The following BRSK2 variants were observed in gnomAD, a reference collection of about 807,000 sequenced individuals.
BRSK2 encodes serine/threonine-protein kinase BRSK2.
A neutral mutation model predicts 83.3 loss-of-function variants in BRSK2; 19 were observed. The observed-to-expected ratio is 0.23, with a 90% CI of 0.16 to 0.33. The LOEUF is 0.33. Among genes scored for constraint, BRSK2 ranks in the 10% least tolerant of loss-of-function variants. The pLI, the probability that BRSK2 is intolerant of heterozygous loss-of-function variation, is 1.00. For synonymous variants in BRSK2, 519 were observed against 435.4 expected (o/e 1.19, Z -2.39); for missense variants, 798 against 1,042.3 (o/e 0.77, Z 3.23).
chr11:1,445,530 C>G (rs886859936), intron 10 of BRSK2, 41 bp from the exon 11 acceptor site: 14 of 1,600,412 alleles, frequency 8.7e-6, no homozygotes, highest in African/African-American at 1.3e-5. Flanking sequence ...GAGCCGGCGG[C>G]CCCGTGTGCC....
chr11:1,443,220 A>T, intron 6 of BRSK2, 81 bp downstream of exon 6: 1 of 1,517,286 alleles, frequency 6.6e-7, no homozygotes, highest in South Asian at 1.2e-5. Context: ...AGCCTGCCGC[A>T]CCCCCAGGTG....
At chr11:1,445,236 C>G (rs927760834) in intron 9 of BRSK2, 58 bp from the exon 10 acceptor site, 17 of 1,545,330 alleles carry the variant, frequency 1.1e-5, no homozygotes, top group Non-Finnish European at 1.4e-5. Context: ...GTCCCACCCT[C>G]GCAGCCGCCC....
intron 1 of BRSK2, among the ~76,000 whole-genome samples, chr11:1,435,179 C>T (rs1005015532): frequency 1.0e-4 from 15 of 144,530 alleles, no homozygotes; most frequent in African/African-American, 3.1e-4. Context: ...AACACAGGGC[C>T]GGGGCTCAGG....
chr11:1,406,280 G>A (rs1846871829), intron 1 of BRSK2, among the ~76,000 whole-genome samples: 1 of 152,218 alleles, frequency 6.6e-6, no homozygotes, highest in Non-Finnish European at 1.5e-5. Flanking sequence ...TGGCTAACAC[G>A]GTGAAACCCC....
chr11:1,460,669 G>A lies in BRSK2; in HGVS notation c.2157G>A (p.Thr719=). The A allele has an allele frequency of 6.6e-7, 1 of 1,524,450 alleles. No homozygotes were observed. The highest frequency in any genetic ancestry group is 8.8e-7 in the Non-Finnish European group (1 of 1,140,606). The allele number at this position is 1,524,450 out of a possible 1,614,324, so 94.4% of individuals were successfully genotyped here. Residue 719 remains threonine, a synonymous_variant, in exon 20 of 20, where the codon ACG becomes ACA. Transcript: ENST00000528841. ...PGPGGDAEYP[T]GKDTAKMGPP... is the part of the protein sequence containing the mutation. ...CCGGAGGGGACGCCGAGTACCCAAC[G>A]GGCAAGGACACGGCCAAGATGGGCC...
In BRSK2 at chr11:1,411,578, G is replaced by A. The variant is rs370255767; in HGVS notation, c.91+21203G>A. 5.6e-5 allele frequency: 88 copies of A among 1,582,334 alleles called. No individual in the cohort carries two copies. The East Asian group carries it at 6.6e-4, about 12-fold the overall frequency. On this transcript the variant is annotated intron_variant, in intron 1 of 19. Transcript: ENST00000528841. ...CTCCCGGCCCACAGCTGCTCCAGCC[G>A]CACCTCCACCTTCCTCAAGGCCAGA...
At chr11:1,433,467 C>T (rs185572352) in intron 1 of BRSK2, among the ~76,000 whole-genome samples, 109 of 152,396 alleles carry the variant, frequency 7.2e-4, no homozygotes, top group African/African-American at 2.6e-3. Flanking sequence ...TGCATCCTCC[C>T]AGGAGTTTGT....
chr11:1,450,511 G>A (rs903074090), intron 13 of BRSK2, 76 bp from the exon 14 acceptor site: 66 of 710,084 alleles, frequency 9.3e-5, no homozygotes, highest in South Asian at 2.9e-4. Flanking sequence ...CCCTGGGCCC[G>A]CCTGCCCTGC....
At chr11:1,420,222 G>A (rs1848515915) in intron 1 of BRSK2, among the ~76,000 whole-genome samples, 2 of 152,228 alleles carry the variant, frequency 1.3e-5, no homozygotes, top group African/African-American at 2.4e-5. Flanking sequence ...GCCTTGTTAG[G>A]ATGAGACAGA....
intron 1 of BRSK2, among the ~76,000 whole-genome samples, chr11:1,406,907 C>CGT (rs373208775): frequency 7.9e-5 from 12 of 151,914 alleles, no homozygotes; most frequent in Non-Finnish European, 1.6e-4. Context: ...TGTCTGTGTG[C>CGT]GTGTGTGTGT....
chr11:1,439,411 T>TG (rs746265812), intron 3 of BRSK2, among the ~76,000 whole-genome samples: 2 of 150,666 alleles, frequency 1.3e-5, no homozygotes, highest in East Asian at 2.0e-4. Context: ...ACCAGAGGAC[T>TG]GGGGGGGCGG....
In BRSK2 at chr11:1,450,619, C is replaced by T. The variant is rs368815640; in HGVS notation, c.1320C>T (p.Pro440=). Residue 440 remains proline, a synonymous_variant, in exon 14 of 20, where the codon CCC becomes CCT. Transcript: ENST00000528841. ...VTPHPSPRGS[P]LPTPKGTPVH... is the part of the protein sequence containing the mutation. ...CTCACCCCTCACCAAGGGGCAGTCC[C>T]CTCCCCACCCCCAAGGGGACACCTG... 158 of 1,597,046 alleles carry T rather than the reference C, an allele frequency of 9.9e-5. No individual in the cohort carries two copies. Among genetic ancestry groups the T allele is most frequent in the Middle Eastern group, 5.0e-4 (3 of 6,012 alleles).
chr11:1,460,899 C>T lies in BRSK2; in HGVS notation c.*176C>T, dbSNP rs1243529861. ...GCCTGTGGGCTGCGCCACCCGCGCC[C>T]GCTCTCTTTTCTCTCTGTCTCTGCC... On this transcript the variant is annotated 3_prime_UTR_variant, in exon 20 of 20. Transcript: ENST00000528841. 1.2e-5 allele frequency: 19 copies of T among 1,607,310 alleles called. No homozygotes were observed. The highest frequency in any genetic ancestry group is 1.5e-5 in the Non-Finnish European group (18 of 1,177,612).
chr11:1,451,443 T>G (rs117148214), intron 15 of BRSK2, 24 bp downstream of exon 15: 51,176 of 1,610,278 alleles, frequency 0.032, 986 homozygotes, highest in Non-Finnish European at 0.035. Context: ...GCTGGAGGCC[T>G]CCTGGTACCT....
rs1000819250 is a variant in BRSK2, at chr11:1,460,295, C to T, written c.1988-205C>T. Among the ~76,000 whole-genome samples the T allele has an allele frequency of 3.9e-5, 6 of 152,146 alleles. No individual in the cohort carries two copies. The East Asian group carries it at 7.7e-4, about 20-fold the overall frequency. The stretch of plus-strand genomic sequence containing the variant: ...AGCGTACAGGGCCCCTGCCGGCCGC[C>T]GCCTGCCCACCCTGCTTGCCGCCCA... On this transcript the variant is annotated intron_variant, in intron 19 of 19. Transcript: ENST00000528841.
intron 8 of BRSK2, among the ~76,000 whole-genome samples, chr11:1,443,905 C>T (rs1026600944): frequency 4.0e-5 from 6 of 151,732 alleles, no homozygotes; most frequent in South Asian, 2.1e-4. Flanking sequence ...TGTGTGGGCT[C>T]GTGTTCAGGT....
chr11:1,399,907 A>G (rs1846360999), intron 1 of BRSK2, among the ~76,000 whole-genome samples: 1 of 42,636 alleles, frequency 2.3e-5, no homozygotes, highest in South Asian at 5.7e-4. Context: ...GTGTTTTCAC[A>G]TAGCAGAGGA....
chr11:1,402,509 G>A (rs946755827), intron 1 of BRSK2, among the ~76,000 whole-genome samples: 3 of 152,184 alleles, frequency 2.0e-5, no homozygotes, highest in African/African-American at 4.8e-5. Flanking sequence ...GTGGTGCTGC[G>A]TGTAACCCTC....
intron 1 of BRSK2, among the ~76,000 whole-genome samples, chr11:1,419,539 C>T (rs1041878876): frequency 2.6e-5 from 4 of 152,130 alleles, no homozygotes; most frequent in East Asian, 3.8e-4. Context: ...GTTTCTTAGT[C>T]GTTTTTGTAG....
Sources: gnomAD v4.1 joint callset for allele counts (sites outside exome capture counted in the v4.1 genomes callset) on GRCh38, gnomAD v4.1.1 for gene constraint, MANE v1.5 for transcripts, NCBI Gene and HGNC (gene_info 2026-07-23, HGNC 2026-07-21) for gene names.